The following TUT7 variants were observed in gnomAD, a reference collection of about 807,000 sequenced individuals.
TUT7 encodes the protein terminal uridylyltransferase 7.
Under a neutral mutation model 165.9 loss-of-function variants are expected in TUT7, and 33 were observed. The observed-to-expected ratio is 0.20, with a 90% CI of 0.15 to 0.27. The LOEUF (loss-of-function observed/expected upper bound fraction) is 0.27. Ranked by LOEUF, TUT7 falls within the 10% of genes least tolerant of loss-of-function variation. The pLI, the probability that TUT7 is intolerant of heterozygous loss-of-function variation, is 1.00. For missense variants in TUT7, 1,338 were observed against 1,762.3 expected (o/e 0.76, Z 4.31); for synonymous variants, 552 against 608.1 (o/e 0.91, Z 1.36).
chr9:86,339,970 G>T, intron 8 of TUT7, 66 bp downstream of exon 8: 1 of 1,187,292 alleles, frequency 8.4e-7, no homozygotes, highest in Non-Finnish European at 1.3e-6. Flanking sequence ...ACATTAAGAT[G>T]TAGTAAAGTA....
At position 86,326,892 on chromosome 9, in the gene TUT7, G is replaced by A. The variant is rs376259864; in HGVS notation, c.1609-1378C>T. 1.1e-4 allele frequency among the ~76,000 whole-genome samples: 16 copies of A among 152,270 alleles called. No individual in the cohort carries two copies. In the South Asian group the frequency reaches 1.9e-3, roughly 18 times the overall value. On this transcript the variant is annotated intron_variant, in intron 11 of 26. Transcript: ENST00000375963. Reference sequence around the variant, plus strand: ...AATAACATAAAAATGTAAAAATAAAGCATTAAATGGATTTACAGCAATAGC... The same window carrying A: ...AATAACATAAAAATGTAAAAATAAAACATTAAATGGATTTACAGCAATAGC...
chr9:86,305,918 T>C (rs1341134237), intron 22 of TUT7, among the ~76,000 whole-genome samples: 1 of 152,202 alleles, frequency 6.6e-6, no homozygotes, highest in East Asian at 1.9e-4. Context: ...TGGAATACTG[T>C]TTGTTAAATA....
At chr9:86,340,247 T>C (rs1831216223) in intron 7 of TUT7, 142 bp from the exon 8 acceptor site, 1 of 630,750 alleles carries the variant, frequency 1.6e-6, no homozygotes, top group Non-Finnish European at 2.7e-6. Flanking sequence ...CTGCAATGAC[T>C]TGAAAAGGAA....
At chr9:86,342,933 C>T (rs1831440850) in intron 6 of TUT7, 142 bp downstream of exon 6, 1 of 550,190 alleles carries the variant, frequency 1.8e-6, no homozygotes, top group Non-Finnish European at 3.1e-6. Context: ...AAAAAAAAAG[C>T]TCTGAAACTG....
intron 5 of TUT7, among the ~76,000 whole-genome samples, chr9:86,343,489 TTAAAA>T (rs1276326040): frequency 6.6e-6 from 1 of 152,228 alleles, no homozygotes; most frequent in East Asian, 1.9e-4. Flanking sequence ...AAAATACTAT[TTAAAA>T]TATTTTTTTA....
At chr9:86,294,561 G>A (rs1826146341) in intron 26 of TUT7, among the ~76,000 whole-genome samples, 2 of 138,360 alleles carry the variant, frequency 1.4e-5, no homozygotes, top group Admixed American at 7.5e-5. Context: ...AAAGAATATT[G>A]GGGTTTTTCC....
intron 26 of TUT7, among the ~76,000 whole-genome samples, chr9:86,291,128 CAG>C (rs1324783419): frequency 6.6e-6 from 1 of 151,904 alleles, no homozygotes; most frequent in Non-Finnish European, 1.5e-5. Flanking sequence ...AAAGTTGAAA[CAG>C]AAGATATACT....
Position 86,310,705 on chromosome 9 carries a change from C to G in TUT7, c.3378+1G>C. The G allele has an allele frequency of 6.4e-7, 1 of 1,571,388 alleles. No individual in the cohort carries two copies. ...AACAAAAAGCCTGAAAAAAATCTTA[C>G]CAATGTGTTATACAAACTGATATCT... On this transcript the variant is annotated splice_donor_variant, in intron 18 of 26. Transcript: ENST00000375963. LOFTEE classifies it high-confidence loss of function.
chr9:86,338,961 TG>T lies in TUT7; in HGVS notation c.1209-13del, dbSNP rs1317968427. 1 of 1,564,798 alleles carries T rather than the reference TG, an allele frequency of 6.4e-7. No homozygotes were observed. The highest frequency in any genetic ancestry group is 8.7e-7 in the Non-Finnish European group (1 of 1,153,690). On this transcript the variant is annotated splice_polypyrimidine_tract_variant and intron_variant, in intron 8 of 26. Coordinates refer to ENST00000375963, the MANE Select transcript of TUT7 (RefSeq NM_024617.4). ...TACACAGAAGACCACTGGTGAGAGG[TG>T]GGGGAGGAGGATGGGAAAGAAAAAA...
In TUT7 at chr9:86,352,983, A is replaced by G. The variant is rs1564107888; in HGVS notation, c.217T>C (p.Ser73Pro). 5.6e-6 allele frequency: 9 copies of G among 1,614,106 alleles called. No homozygotes were observed. The South Asian group carries it at 9.9e-5, about 18-fold the overall frequency. The change falls in exon 2 of 27, where the codon TCC (serine) becomes CCC (proline). Residue 73 changes from serine (S) to proline (P), a missense_variant. Around this residue, in one of 7 missense-constraint regions of TUT7, gnomAD observed 434 missense variants for 480.8 expected, o/e 0.90. Coordinates refer to ENST00000375963, the MANE Select transcript of TUT7 (RefSeq NM_024617.4). ...NTPRKGPCAVSSNPYAFKNPI... is the reference protein window; with the variant it reads ...NTPRKGPCAVPSNPYAFKNPI... ...TTTTTAAATGCATATGGATTGCTGGAAACAGCACATGGTCCTTTTCTGGGG... is the reference window on the plus strand; with the variant it reads ...TTTTTAAATGCATATGGATTGCTGGGAACAGCACATGGTCCTTTTCTGGGG...
chr9:86,303,704 C>T (rs1337702902), intron 24 of TUT7, among the ~76,000 whole-genome samples: 1 of 152,168 alleles, frequency 6.6e-6, no homozygotes, highest in Non-Finnish European at 1.5e-5. Flanking sequence ...AGCCTGTAGC[C>T]TCTTTGTACT....
intron 26 of TUT7, among the ~76,000 whole-genome samples, chr9:86,293,951 G>A (rs952671594): frequency 1.3e-5 from 2 of 152,102 alleles, no homozygotes; most frequent in Non-Finnish European, 2.9e-5. Context: ...CACCATGTTG[G>A]CCAGGCTGGT....
At chr9:86,345,538 G>T in intron 4 of TUT7, 131 bp downstream of exon 4, 1 of 692,102 alleles carries the variant, frequency 1.4e-6, no homozygotes, top group Non-Finnish European at 2.5e-6. Context: ...ATGTATTTTG[G>T]CTCAAATATA....
At chr9:86,340,496 G>C (rs919988306) in intron 7 of TUT7, among the ~76,000 whole-genome samples, 1 of 152,106 alleles carries the variant, frequency 6.6e-6, no homozygotes, top group Non-Finnish European at 1.5e-5. Context: ...AGGAGGATGG[G>C]GATGACTAAT....
In TUT7 at chr9:86,308,492, T is replaced by G. The variant is rs1377454869; in HGVS notation, c.3775A>C (p.Arg1259=). ...FDFKEHVISI[R]RKSLLTTFKK... ...AAAGTTGTAAGCAGACTTTTTCTCC[T>G]GATGCTAATAACATGTTCTTTAAAA... The change falls in exon 22 of 27, where the codon AGG becomes CGG. Residue 1259 remains arginine (R), a synonymous_variant. Coordinates refer to ENST00000375963, the MANE Select transcript of TUT7 (RefSeq NM_024617.4). The G allele has an allele frequency of 1.9e-6, 3 of 1,614,118 alleles. No individual in the cohort carries two copies. The highest frequency in any genetic ancestry group is 2.5e-6 in the Non-Finnish European group (3 of 1,179,974).
chr9:86,349,090 C>T (rs367678854), intron 2 of TUT7, among the ~76,000 whole-genome samples: 1 of 151,928 alleles, frequency 6.6e-6, no homozygotes, highest in South Asian at 2.1e-4. Context: ...ACCATCCTGG[C>T]CAACATGGTG....
rs1454783939 is a variant in TUT7, at chr9:86,323,782, T to G, written c.1968A>C (p.Glu656Asp). The G allele has an allele frequency of 1.2e-6, 2 of 1,613,704 alleles. No individual in the cohort carries two copies. The highest frequency in any genetic ancestry group is 2.7e-5 in the African/African-American group (2 of 74,908). The change falls in exon 13 of 27, where the codon GAA becomes GAC. Residue 656 changes from glutamate (E) to aspartate (D), a missense_variant. By Grantham distance (45) the Glu-to-Asp change is conservative. Around this residue, in one of 7 missense-constraint regions of TUT7, gnomAD observed 425 missense variants for 474.9 expected, o/e 0.89. Transcript: ENST00000375963. ...GTACATCTGGATGATGATTTATTAC[T>G]TCTTTAGAATGTTCTGAAATACATG... is the stretch of plus-strand genomic sequence containing the variant. ...AITCISEHSK[E>D]VINHHPDVQT...
chr9:86,349,877 A>G (rs1389035333), intron 2 of TUT7, among the ~76,000 whole-genome samples: 1 of 152,242 alleles, frequency 6.6e-6, no homozygotes, highest in Non-Finnish European at 1.5e-5. Flanking sequence ...ATAAAAAAAT[A>G]GCAAAATGCA....
intron 8 of TUT7, among the ~76,000 whole-genome samples, chr9:86,339,297 C>T (rs1045055883): frequency 6.6e-6 from 1 of 152,180 alleles, no homozygotes; most frequent in South Asian, 2.1e-4. Flanking sequence ...GAGGCCAAGG[C>T]GGGCAGATCA....
Sources: allele counts gnomAD v4.1 joint callset (sites outside exome capture counted in the v4.1 genomes callset), GRCh38; gene constraint gnomAD v4.1.1; regional missense constraint gnomAD v4.1.1; transcripts MANE v1.5; gene names NCBI Gene and HGNC (gene_info 2026-07-23, HGNC 2026-07-21).